The following PLEKHH1 variants were observed in gnomAD, a reference collection of about 807,000 sequenced individuals.
The protein encoded by PLEKHH1 is pleckstrin homology, MyTH4 and FERM domain containing H1.
PLEKHH1 carries 104 observed loss-of-function variants against 160.0 expected under a neutral mutation model. The ratio of observed to expected loss-of-function variants is 0.65; its 90% confidence interval spans 0.55 to 0.76. The LOEUF (loss-of-function observed/expected upper bound fraction) is 0.76. Among genes scored for constraint, PLEKHH1 ranks in the 30% least tolerant of loss-of-function variants. PLEKHH1 has a pLI of 0.00. For synonymous variants in PLEKHH1, 619 were observed against 678.4 expected, an observed-to-expected ratio of 0.91 and a Z score of 1.36; for missense variants, 1,427 against 1,724.1, an observed-to-expected ratio of 0.83 and a Z score of 3.05.
chr14:67,541,750 T>G, intron 1 of PLEKHH1, 84 bp from the exon 2 acceptor site: 1 of 915,018 alleles, frequency 1.1e-6, no homozygotes, highest in Non-Finnish European at 1.6e-6. Flanking sequence ...TTCTCTGTCC[T>G]TTGGTCCCCT....
chr14:67,561,827 T>G (rs1219080495), intron 5 of PLEKHH1, 127 bp from the exon 6 acceptor site: 1 of 686,058 alleles, frequency 1.5e-6, no homozygotes, highest in Non-Finnish European at 2.4e-6. Flanking sequence ...CCAAAATTGC[T>G]CCACTGCAAT....
chr14:67,549,163 T>TA (rs1308538524), intron 2 of PLEKHH1, among the ~76,000 whole-genome samples: 2 of 152,210 alleles, frequency 1.3e-5, no homozygotes, highest in African/African-American at 4.8e-5. Flanking sequence ...GAATGGGTCT[T>TA]AGCAGGTCTT....
chr14:67,584,472 C>T (rs958170561), intron 26 of PLEKHH1, among the ~76,000 whole-genome samples: 2 of 152,186 alleles, frequency 1.3e-5, no homozygotes, highest in Admixed American at 6.5e-5. Flanking sequence ...ACTGGTTTGA[C>T]ATGGCATACA....
Position 67,586,527 on chromosome 14 carries a change from C to T in PLEKHH1, c.3933+430C>T, listed in dbSNP as rs779297956. Reference sequence around the variant, plus strand: ...CAAAGTGGGACAGTCCCACAGTGCTCCCTCTTCCTTGTTGTGGGGAAGACC... The same window carrying T: ...CAAAGTGGGACAGTCCCACAGTGCTTCCTCTTCCTTGTTGTGGGGAAGACC... On this transcript the variant is annotated intron_variant, in intron 28 of 28. Transcript: ENST00000329153. 56 of 741,104 alleles carry T rather than the reference C, an allele frequency of 7.6e-5. 1 individual carries two copies. The highest frequency in any genetic ancestry group is 1.0e-4 in the Non-Finnish European group (50 of 487,400). 45.9% of individuals were successfully genotyped at this position (741,104 alleles called of 1,614,324 possible).
chr14:67,557,224 C>T (rs199507561), intron 3 of PLEKHH1, 45 bp from the exon 4 acceptor site: 3 of 1,573,304 alleles, frequency 1.9e-6, no homozygotes, highest in Non-Finnish European at 2.6e-6. Context: ...CTGCACACCC[C>T]GTGTGAGTGA....
At position 67,536,805 on chromosome 14, in the gene PLEKHH1, G is replaced by A. The variant is rs559092029; in HGVS notation, c.-35+3407G>A. On this transcript the variant is annotated intron_variant, in intron 1 of 28. Coordinates refer to ENST00000329153, the MANE Select transcript of PLEKHH1 (RefSeq NM_020715.3). ...CGCCTGTAATCCCAGCACTTTGGGA[G>A]GCCAAGGCAGGTGGATCACCTGAGG... 2.7e-4 allele frequency among the ~76,000 whole-genome samples: 41 copies of A among 151,988 alleles called. 1 individual carries two copies. In the South Asian group the frequency reaches 8.5e-3, roughly 31 times the overall value.
intron 2 of PLEKHH1, 105 bp downstream of exon 2, chr14:67,542,098 T>C: frequency 9.2e-7 from 1 of 1,083,426 alleles, no homozygotes; most frequent in Non-Finnish European, 1.3e-6. Flanking sequence ...TTCAGTAAGA[T>C]GCTTTTCCCC....
intron 7 of PLEKHH1, among the ~76,000 whole-genome samples, chr14:67,565,951 C>A (rs1335301442): frequency 6.6e-6 from 1 of 152,084 alleles, no homozygotes; most frequent in African/African-American, 2.4e-5. Context: ...GAAACCCCAT[C>A]TCTACTAAAA....
In PLEKHH1 at chr14:67,575,466, G is replaced by A. The variant is rs370715302; in HGVS notation, c.2163G>A (p.Glu721=). ...GKIFYYYRSH[E]DKRPLGCLPV... ...TCTTCTACTACTATCGGAGCCATGA[G>A]GACAAGGTACTTCTCAGCCTCCTCA... The change falls in exon 15 of 29, where the codon GAG becomes GAA. Residue 721 remains glutamate (E), a synonymous_variant. Transcript: ENST00000329153. 2 of 1,597,820 alleles carry A rather than the reference G, an allele frequency of 1.3e-6. No homozygotes were observed. The highest frequency in any genetic ancestry group is 1.7e-6 in the Non-Finnish European group (2 of 1,169,794).
rs1235374022 is a variant in PLEKHH1 at position 67,572,276 on chromosome 14, G to A, written c.1727G>A (p.Gly576Glu). 6.3e-7 allele frequency: 1 copy of A among 1,594,714 alleles called. No individual in the cohort carries two copies. ...SYSTDGLGLG[G>E]ESLEKSGYLL... Reference sequence around the variant, plus strand: ...TCCACCGACGGGCTGGGCCTGGGCGGGGTGAGCCGGGAAACGGGCGGGGGC... The same window carrying A: ...TCCACCGACGGGCTGGGCCTGGGCGAGGTGAGCCGGGAAACGGGCGGGGGC... The change falls in exon 11 of 29, where the codon GGG becomes GAG. Residue 576 changes from glycine (G) to glutamate (E), a missense_variant and splice_region_variant. Gly to Glu is a moderately conservative substitution (Grantham distance 98). Coordinates refer to ENST00000329153, the MANE Select transcript of PLEKHH1 (RefSeq NM_020715.3).
At chr14:67,548,009 G>T (rs1187618933) in intron 2 of PLEKHH1, among the ~76,000 whole-genome samples, 5 of 152,156 alleles carry the variant, frequency 3.3e-5, no homozygotes, top group South Asian at 2.1e-4. Flanking sequence ...TTAGCCATGG[G>T]TTCCCTTTTC....
intron 5 of PLEKHH1, among the ~76,000 whole-genome samples, chr14:67,560,878 A>G (rs1033791966): frequency 6.6e-6 from 1 of 151,960 alleles, no homozygotes; most frequent in Non-Finnish European, 1.5e-5. Context: ...TTACAGGCAC[A>G]CGCCACCACG....
At chr14:67,561,486 C>T (rs971340160) in intron 5 of PLEKHH1, among the ~76,000 whole-genome samples, 1 of 151,432 alleles carries the variant, frequency 6.6e-6, no homozygotes, top group South Asian at 2.1e-4. Context: ...ATGGTTTGAG[C>T]CCTGGTGGCA....
In PLEKHH1 at chr14:67,561,995, C is replaced by A. The variant is rs370370533; in HGVS notation, c.465C>A (p.Arg155=). Residue 155 remains arginine, a synonymous_variant, in exon 6 of 29, where the codon CGC becomes CGA. Coordinates refer to ENST00000329153, the MANE Select transcript of PLEKHH1 (RefSeq NM_020715.3). ...ENQHLKSHNQ[R]LVEQVGSLQD... The stretch of plus-strand genomic sequence containing the variant: ...AGCATCTGAAAAGCCATAATCAGCG[C>A]CTGGTGGAGCAGGTGGGATCCCTTC... 5.6e-6 allele frequency: 9 copies of A among 1,613,776 alleles called. No homozygotes were observed. The highest frequency in any genetic ancestry group is 7.6e-6 in the Non-Finnish European group (9 of 1,179,860).
At chr14:67,580,816 T>C in intron 22 of PLEKHH1, 122 bp from the exon 23 acceptor site, 1 of 648,120 alleles carries the variant, frequency 1.5e-6, no homozygotes, top group Non-Finnish European at 2.7e-6. Context: ...GTCAGCCTCC[T>C]GGTGGGAGGA....
intron 9 of PLEKHH1, chr14:67,571,415 A>G (rs1359837884): frequency 4.3e-6 from 1 of 233,726 alleles, no homozygotes; most frequent in African/African-American, 2.2e-5. Context: ...GTCCCCACAC[A>G]TTTTTAAAGC....
Position 67,584,137 on chromosome 14 carries a change from G to A in PLEKHH1, c.3699+13G>A. On this transcript the variant is annotated intron_variant, in intron 26 of 28. Coordinates refer to ENST00000329153, the MANE Select transcript of PLEKHH1 (RefSeq NM_020715.3). ...TTTTGCTGCTCAGGTAAGTGCCAGTGGAAGGAGCTGCCCACACCCTTAGGT... is the reference window on the plus strand; with the variant it reads ...TTTTGCTGCTCAGGTAAGTGCCAGTAGAAGGAGCTGCCCACACCCTTAGGT... 1.9e-6 allele frequency: 3 copies of A among 1,611,286 alleles called. No individual in the cohort carries two copies. The highest frequency in any genetic ancestry group is 2.5e-6 in the Non-Finnish European group (3 of 1,179,624).
chr14:67,543,528 C>G (rs1218727460), intron 2 of PLEKHH1, among the ~76,000 whole-genome samples: 1 of 152,222 alleles, frequency 6.6e-6, no homozygotes, highest in Non-Finnish European at 1.5e-5. Flanking sequence ...GTTAAGCATG[C>G]ATATTCCTGG....
At position 67,574,733 on chromosome 14, in the gene PLEKHH1, G is replaced by T. The variant is rs887140195; in HGVS notation, c.2088+330G>T. On this transcript the variant is annotated intron_variant, in intron 14 of 28. Transcript: ENST00000329153. The surrounding 1 kb of genome is among the most constrained non-coding windows in gnomAD (Gnocchi z 4.2). ...TCAGTGTTAATAGTGGGAGGAAGAG[G>T]CCTGGGCGAGGTAGGTATGGCTCCT... Among the ~76,000 whole-genome samples the T allele has an allele frequency of 6.6e-6, 1 of 152,144 alleles. No individual in the cohort carries two copies. Among genetic ancestry groups the T allele is most frequent in the African/African-American group, 2.4e-5 (1 of 41,418 alleles).
Sources: gnomAD v4.1 joint callset for allele counts (sites outside exome capture counted in the v4.1 genomes callset) on GRCh38, gnomAD v4.1.1 for gene constraint, Gnocchi (gnomAD v3.1) non-coding constraint, MANE v1.5 for transcripts, NCBI Gene and HGNC (gene_info 2026-07-23, HGNC 2026-07-21) for gene names.